Variants in HTR4 observed in about 807,000 individuals in gnomAD.
HTR4 encodes 5-hydroxytryptamine receptor 4.
A neutral mutation model predicts 36.8 loss-of-function variants in HTR4; 16 were observed. The ratio of observed to expected loss-of-function variants is 0.43; its 90% CI spans 0.29 to 0.66. The LOEUF is 0.66. Among genes scored for constraint, HTR4 ranks in the 30% least tolerant of loss-of-function variants. HTR4 has a pLI of 0.13. For synonymous variants in HTR4, 189 were observed against 185.1 expected, an observed-to-expected ratio of 1.02 and a Z score of -0.17; for missense variants, 438 against 490.9, an observed-to-expected ratio of 0.89 and a Z score of 1.02.
chr5:148,609,272 G>A (rs1327504383), intron 2 of HTR4, among the ~76,000 whole-genome samples: 1 of 152,146 alleles, frequency 6.6e-6, no homozygotes, highest in Non-Finnish European at 1.5e-5. Context: ...GTGTTCCACT[G>A]ATTGATCACA....
At chr5:148,550,788 C>T (rs1311916189) in intron 2 of HTR4, among the ~76,000 whole-genome samples, 1 of 152,190 alleles carries the variant, frequency 6.6e-6, no homozygotes, top group Non-Finnish European at 1.5e-5. Flanking sequence ...TGGACCAAGG[C>T]ATGGGGACCA....
intron 4 of HTR4, among the ~76,000 whole-genome samples, chr5:148,533,909 G>A (rs1758691707): frequency 6.6e-6 from 1 of 151,928 alleles, no homozygotes; most frequent in African/African-American, 2.4e-5. Context: ...ATATATTTTG[G>A]AATTATGAGC....
At chr5:148,455,551 C>T (rs545537816) in intron 5 of HTR4, among the ~76,000 whole-genome samples, 1 of 152,162 alleles carries the variant, frequency 6.6e-6, no homozygotes, top group South Asian at 2.1e-4. Flanking sequence ...ATGGAGTTTC[C>T]CTTTCTCCAG....
intron 1 of HTR4, chr5:148,645,265 G>A (rs1021705519): frequency 6.6e-6 from 1 of 152,112 alleles, no homozygotes; most frequent in East Asian, 1.9e-4. Context: ...AGAGCATAAG[G>A]TCACTGTCAC....
At chr5:148,487,556 G>C (rs1376903257) in intron 6 of HTR4, among the ~76,000 whole-genome samples, 3 of 152,120 alleles carry the variant, frequency 2.0e-5, no homozygotes, top group East Asian at 1.9e-4. Context: ...TGACAGCGAG[G>C]GTAGGAGGGC....
chr5:148,633,510 C>T (rs545493760), intron 2 of HTR4, among the ~76,000 whole-genome samples: 2 of 151,444 alleles, frequency 1.3e-5, no homozygotes, highest in East Asian at 3.9e-4. Flanking sequence ...GGTATATCTC[C>T]TAATGCTATC....
At chr5:148,561,878 C>T (rs1266501851) in intron 2 of HTR4, among the ~76,000 whole-genome samples, 1 of 152,180 alleles carries the variant, frequency 6.6e-6, no homozygotes, top group Non-Finnish European at 1.5e-5. Context: ...TGATAGTAAC[C>T]TGCTCTCCAT....
rs139326774 is a variant in HTR4, at chr5:148,548,697, A to G, written c.324T>C (p.Ile108=). 323 of 1,608,712 alleles carry G rather than the reference A, an allele frequency of 2.0e-4. No individual in the cohort carries two copies. In the African/African-American group the frequency reaches 3.9e-3, roughly 19 times the overall value. ...SLDVLLTTAS[I]FHLCCISLDR... ...CCAGAGAAATGCAGCACAGGTGAAA[A>G]ATCGATGCCGTTGTGAGCAGGACGT... The change falls in exon 4 of 7, where the codon ATT becomes ATC. Residue 108 remains isoleucine, a synonymous_variant. Coordinates refer to ENST00000377888, the MANE Select transcript of HTR4 (RefSeq NM_000870.7).
chr5:148,523,838 C>A (rs1222625140), intron 4 of HTR4, among the ~76,000 whole-genome samples: 1 of 152,114 alleles, frequency 6.6e-6, no homozygotes, highest in Non-Finnish European at 1.5e-5. Flanking sequence ...CTCTGCCCAG[C>A]CCTCTGGGCC....
intron 2 of HTR4, among the ~76,000 whole-genome samples, chr5:148,635,371 G>A (rs1753495341): frequency 6.6e-6 from 1 of 152,022 alleles, no homozygotes; most frequent in Non-Finnish European, 1.5e-5. Flanking sequence ...ATAGAGAGGG[G>A]GAGTGGGTGA....
At chr5:148,583,482 AG>A (rs963670451) in intron 2 of HTR4, among the ~76,000 whole-genome samples, 1 of 152,040 alleles carries the variant, frequency 6.6e-6, no homozygotes, top group Non-Finnish European at 1.5e-5. Context: ...AGAAAAAAAA[AG>A]AATGATGCAA....
Position 148,482,948 on chromosome 5 carries a change from CA to C in HTR4, c.*254del. On this transcript the variant is annotated 3_prime_UTR_variant, in exon 7 of 7. Transcript: ENST00000377888. ...GTCAGAGACACCAGAGACCACGCGG[CA>C]AAAGCAGAGAATCTGGGAAGAGGGA... The C allele has an allele frequency of 7.3e-7, 1 of 1,364,618 alleles. No individual in the cohort carries two copies. 84.5% of individuals were successfully genotyped at this position (1,364,618 alleles called of 1,614,324 possible). A position where few individuals can be genotyped will look rare whatever the true frequency, so the allele number is the denominator to read the frequency against.
At chr5:148,505,953 G>T (rs189884749) in intron 6 of HTR4, among the ~76,000 whole-genome samples, 144 of 152,208 alleles carry the variant, frequency 9.5e-4, no homozygotes, top group African/African-American at 3.2e-3. Context: ...ACTGCCCAAG[G>T]TAATTTATAA....
intron 1 of HTR4, among the ~76,000 whole-genome samples, chr5:148,637,706 C>A (rs566020517): frequency 5.3e-4 from 80 of 152,144 alleles, no homozygotes; most frequent in Non-Finnish European, 1.0e-3. Context: ...TATCACAGAC[C>A]CTCAGAAGAC....
chr5:148,590,287 C>CTTTTTTTTTTTTTTTTTTTT (rs779077579), intron 2 of HTR4, among the ~76,000 whole-genome samples: 2 of 33,320 alleles, frequency 6.0e-5, no homozygotes, highest in African/African-American at 1.4e-4. Context: ...TTTTTCTTTT[C>CTTTTTTTTTTTTTTTTTTTT]TTTTTTTTTT....
At chr5:148,467,012 A>C (rs1755446292) in intron 5 of HTR4, among the ~76,000 whole-genome samples, 2 of 152,220 alleles carry the variant, frequency 1.3e-5, no homozygotes, top group Non-Finnish European at 2.9e-5. Flanking sequence ...AACATTTTCA[A>C]TGGGCTCTAG....
intron 1 of HTR4, chr5:148,646,465 G>T (rs1352341393): frequency 2.6e-5 from 4 of 152,144 alleles, no homozygotes; most frequent in East Asian, 1.9e-4. Flanking sequence ...AATTAAACAT[G>T]CCAGTGCAAT....
chr5:148,472,233 C>A (rs1042300444), downstream of HTR4, among the ~76,000 whole-genome samples: 1 of 152,176 alleles, frequency 6.6e-6, no homozygotes, highest in Non-Finnish European at 1.5e-5. Flanking sequence ...GCATAACAAG[C>A]CCTGAGTCTA....
Position 148,548,698 on chromosome 5 carries a change from A to G in HTR4, c.323T>C (p.Ile108Thr). The G allele has an allele frequency of 6.2e-7, 1 of 1,608,880 alleles. No homozygotes were observed. Among genetic ancestry groups the G allele is most frequent in the Non-Finnish European group, 8.5e-7 (1 of 1,177,254 alleles). The change falls in exon 4 of 7, where the codon ATT becomes ACT. Residue 108 changes from isoleucine (I) to threonine (T), a missense_variant. Physicochemically the swap from Ile to Thr is moderately conservative, Grantham distance 89. Coordinates refer to ENST00000377888, the MANE Select transcript of HTR4 (RefSeq NM_000870.7). The part of the protein sequence containing the change: ...SLDVLLTTAS[I>T]FHLCCISLDR... ...CAGAGAAATGCAGCACAGGTGAAAA[A>G]TCGATGCCGTTGTGAGCAGGACGTC...
Sources: gnomAD v4.1 joint callset for allele counts (sites outside exome capture counted in the v4.1 genomes callset) on GRCh38, gnomAD v4.1.1 for gene constraint, MANE v1.5 for transcripts, NCBI Gene and HGNC (gene_info 2026-07-23, HGNC 2026-07-21) for gene names.